Variants in PIAS2 observed in about 807,000 individuals in gnomAD.
PIAS2 encodes the protein E3 SUMO-protein ligase PIAS2.
In PIAS2, 19 loss-of-function variants were observed where a neutral mutation model predicts 69.7. The ratio of observed to expected loss-of-function variants is 0.27; its 90% confidence interval spans 0.19 to 0.40. The LOEUF is 0.40. Ranked by LOEUF, PIAS2 falls within the 10% of genes least tolerant of loss-of-function variation. PIAS2 has a pLI of 1.00. For missense variants in PIAS2, 624 were observed against 757.0 expected, an observed-to-expected ratio of 0.82 and a Z score of 2.06; for synonymous variants, 261 against 263.2, an observed-to-expected ratio of 0.99 and a Z score of 0.08.
chr18:46,815,527 T>C (rs140766038), intron 12 of PIAS2, 178 bp from the exon 13 acceptor site: 2 of 985,184 alleles, frequency 2.0e-6, no homozygotes, highest in Non-Finnish European at 2.4e-6. Flanking sequence ...CAAAGATGAA[T>C]ATATTCTCTG....
chr18:46,917,441 C>T lies in PIAS2; in HGVS notation c.-96G>A. On this transcript the variant is annotated 5_prime_UTR_variant, in exon 1 of 14. Transcript: ENST00000585916. ...CCACCACGGCCGCCGCCGCCTCCAG[C>T]ACCATCCTGCACTGGGCGCCGCTTA... The T allele has an allele frequency of 1.6e-6, 2 of 1,265,846 alleles. No individual in the cohort carries two copies. The highest frequency in any genetic ancestry group is 1.0e-6 in the Non-Finnish European group (1 of 1,002,744). 78.4% of individuals were successfully genotyped at this position (1,265,846 alleles called of 1,614,324 possible).
intron 12 of PIAS2, chr18:46,817,924 C>T (rs1372854834): frequency 3.1e-6 from 3 of 982,906 alleles, no homozygotes; most frequent in Non-Finnish European, 2.4e-6. Flanking sequence ...TGCCTTGTTT[C>T]GTAAGTTTAG....
intron 2 of PIAS2, among the ~76,000 whole-genome samples, chr18:46,870,382 G>T (rs370049522): frequency 2.0e-5 from 3 of 152,120 alleles, no homozygotes; most frequent in African/African-American, 7.2e-5. Flanking sequence ...CTGGGAGGCC[G>T]AGGCAGGTGG....
chr18:46,815,288 G>C, intron 13 of PIAS2, 24 bp downstream of exon 13: 1 of 1,600,074 alleles, frequency 6.2e-7, no homozygotes, highest in Non-Finnish European at 8.6e-7. Context: ...ATACAAATTA[G>C]TTGCTTAAAT....
upstream of PIAS2, among the ~76,000 whole-genome samples, chr18:46,919,542 G>C (rs1009200420): frequency 1.3e-4 from 20 of 151,382 alleles, no homozygotes; most frequent in African/African-American, 4.9e-4. Flanking sequence ...CCAGCTACTC[G>C]TGAGGCTGAG....
At chr18:46,907,487 T>A (rs1429713125) in intron 1 of PIAS2, 1 of 152,148 alleles carries the variant, frequency 6.6e-6, no homozygotes, top group Non-Finnish European at 1.5e-5. Flanking sequence ...ACAATAAGGA[T>A]GAATCTGGCA....
chr18:46,873,946 GCC>G lies in PIAS2; in HGVS notation c.500-9700_500-9699del, dbSNP rs1481720520. 2.6e-5 allele frequency among the ~76,000 whole-genome samples: 4 copies of G among 152,172 alleles called. No individual in the cohort carries two copies. In the South Asian group the frequency reaches 8.3e-4, roughly 32 times the overall value. ...AAAGGAGAAGTTAATAAAAATAGGA[GCC>G]AAGGAAAACTCAGAAGGGAAATGGG... On this transcript the variant is annotated intron_variant, in intron 2 of 13. Coordinates refer to ENST00000585916, the MANE Select transcript of PIAS2 (RefSeq NM_004671.5).
intron 3 of PIAS2, among the ~76,000 whole-genome samples, chr18:46,859,427 C>CAAAAAAAAAAAAA (rs55776913): frequency 3.4e-5 from 3 of 89,542 alleles, no homozygotes; most frequent in African/African-American, 1.0e-4. Context: ...GACTCCGTCT[C>CAAAAAAAAAAAAA]AAAAAAAAAA....
intron 9 of PIAS2, among the ~76,000 whole-genome samples, chr18:46,832,887 G>A (rs2043872966): frequency 3.0e-5 from 3 of 99,426 alleles, no homozygotes; most frequent in Admixed American, 2.0e-4. Context: ...GCAAGCCTCT[G>A]TCTCCAAAAA....
chr18:46,873,390 C>G (rs1007106093), intron 2 of PIAS2, among the ~76,000 whole-genome samples: 2 of 152,118 alleles, frequency 1.3e-5, no homozygotes, highest in Non-Finnish European at 2.9e-5. Context: ...AAGAGAGACC[C>G]TTTTCAAAAC....
chr18:46,876,452 T>C (rs1315327960), intron 2 of PIAS2, among the ~76,000 whole-genome samples: 1 of 152,166 alleles, frequency 6.6e-6, no homozygotes, highest in Admixed American at 6.5e-5. Context: ...ATATTAGAGA[T>C]GCTAGTAAAG....
chr18:46,914,815 G>C (rs560017734), intron 1 of PIAS2, among the ~76,000 whole-genome samples: 26 of 152,212 alleles, frequency 1.7e-4, no homozygotes, highest in Non-Finnish European at 3.7e-4. Context: ...CTGCCAAGAA[G>C]TTAGCCAACA....
At chr18:46,832,345 G>A (rs987397099) in intron 9 of PIAS2, among the ~76,000 whole-genome samples, 1 of 151,916 alleles carries the variant, frequency 6.6e-6, no homozygotes, top group African/African-American at 2.4e-5. Context: ...AACCCAGGAG[G>A]TGGAAGGTTG....
At chr18:46,898,518 C>A (rs1429417256) in intron 1 of PIAS2, among the ~76,000 whole-genome samples, 1 of 152,116 alleles carries the variant, frequency 6.6e-6, no homozygotes, top group Non-Finnish European at 1.5e-5. Context: ...AAATATAAGA[C>A]AATCCACTGA....
At chr18:46,871,700 CAGA>C (rs1283331209) in intron 2 of PIAS2, among the ~76,000 whole-genome samples, 8 of 152,090 alleles carry the variant, frequency 5.3e-5, no homozygotes, top group Admixed American at 1.3e-4. Flanking sequence ...CCTTGCTCCT[CAGA>C]AGAACTTTTT....
At chr18:46,888,693 T>G (rs2053591716) in intron 2 of PIAS2, among the ~76,000 whole-genome samples, 1 of 152,198 alleles carries the variant, frequency 6.6e-6, no homozygotes, top group Non-Finnish European at 1.5e-5. Flanking sequence ...GTAAGGAGCA[T>G]GCAATCTAGA....
chr18:46,817,657 T>C (rs1282563959), intron 12 of PIAS2: 3 of 967,076 alleles, frequency 3.1e-6, no homozygotes, highest in Non-Finnish European at 3.7e-6. Flanking sequence ...TTTTCTAAAA[T>C]ATTGGTTGGA....
intron 9 of PIAS2, among the ~76,000 whole-genome samples, chr18:46,830,325 A>T (rs939568217): frequency 1.3e-5 from 2 of 152,132 alleles, no homozygotes; most frequent in Non-Finnish European, 2.9e-5. Context: ...AATTTAAAAT[A>T]AGTGTATTTG....
intron 2 of PIAS2, among the ~76,000 whole-genome samples, chr18:46,872,512 C>T (rs988746894): frequency 5.3e-5 from 8 of 152,164 alleles, no homozygotes; most frequent in Admixed American, 1.3e-4. Flanking sequence ...TGCTCCAATA[C>T]GTGGATGACC....
Sources: allele counts gnomAD v4.1 joint callset (sites outside exome capture counted in the v4.1 genomes callset), GRCh38; gene constraint gnomAD v4.1.1; transcripts MANE v1.5; gene names NCBI Gene and HGNC (gene_info 2026-07-23, HGNC 2026-07-21).